The following R3HCC1L variants were observed in gnomAD, a reference collection of about 807,000 sequenced individuals.
R3HCC1L encodes the protein R3H domain and coiled-coil containing 1 like, also known as coiled-coil domain-containing protein R3HCC1L.
In R3HCC1L, 51 loss-of-function variants were observed where a neutral mutation model predicts 59.9. The ratio of observed to expected loss-of-function variants is 0.85; its 90% CI spans 0.68 to 1.07. The LOEUF (loss-of-function observed/expected upper bound fraction) is 1.07, where lower values mean the gene tolerates loss of function less well. Among genes scored for constraint, R3HCC1L ranks in the 50% least tolerant of loss-of-function variants. The pLI is 0.00. For synonymous variants in R3HCC1L, 322 were observed against 315.2 expected (o/e 1.02, Z -0.23); for missense variants, 965 against 933.0 (o/e 1.03, Z -0.45).
chr10:98,181,519 A>G (rs892917003), intron 4 of R3HCC1L, among the ~76,000 whole-genome samples: 2 of 152,058 alleles, frequency 1.3e-5, no homozygotes, highest in African/African-American at 4.8e-5. Flanking sequence ...CTTGAGGAGT[A>G]TCTTTGTGGC....
At chr10:98,135,842 C>CTACA (rs1334552193) in intron 1 of R3HCC1L, among the ~76,000 whole-genome samples, 1 of 152,188 alleles carries the variant, frequency 6.6e-6, no homozygotes, top group African/African-American at 2.4e-5. Flanking sequence ...TATGGTTGTA[C>CTACA]TACAACTAAT....
chr10:98,235,105 C>G (rs1856782945), intron 7 of R3HCC1L, among the ~76,000 whole-genome samples: 6 of 152,260 alleles, frequency 3.9e-5, no homozygotes, highest in Non-Finnish European at 7.4e-5. Context: ...GTCTCTGTCA[C>G]TACTTAACTC....
At chr10:98,175,211 T>C (rs1848890408) in intron 4 of R3HCC1L, among the ~76,000 whole-genome samples, 1 of 152,226 alleles carries the variant, frequency 6.6e-6, no homozygotes, top group Admixed American at 6.5e-5. Flanking sequence ...GATTATTTCC[T>C]GGCTACTAGA....
intron 4 of R3HCC1L, among the ~76,000 whole-genome samples, chr10:98,193,255 A>G (rs1413236291): frequency 1.3e-5 from 2 of 152,148 alleles, no homozygotes; most frequent in African/African-American, 4.8e-5. Flanking sequence ...ACATTGTAAT[A>G]GAAATCCTAG....
intron 4 of R3HCC1L, among the ~76,000 whole-genome samples, chr10:98,179,026 C>T (rs1371088122): frequency 1.3e-5 from 2 of 152,168 alleles, no homozygotes; most frequent in African/African-American, 4.8e-5. Flanking sequence ...AATTTGACTT[C>T]CTCTTTTCCT....
At chr10:98,196,876 A>G (rs1466856415) in intron 4 of R3HCC1L, among the ~76,000 whole-genome samples, 9 of 152,122 alleles carry the variant, frequency 5.9e-5, no homozygotes, top group Non-Finnish European at 1.2e-4. Flanking sequence ...CCTACCAGCC[A>G]CTACTAATTC....
At chr10:98,136,760 C>T (rs1372574352) in intron 1 of R3HCC1L, among the ~76,000 whole-genome samples, 1 of 151,634 alleles carries the variant, frequency 6.6e-6, no homozygotes, top group Non-Finnish European at 1.5e-5. Context: ...TCGCTTGAGT[C>T]CTGGAGGTGG....
chr10:98,236,430 T>C (rs749220149), intron 9 of R3HCC1L, among the ~76,000 whole-genome samples: 1 of 152,178 alleles, frequency 6.6e-6, no homozygotes, highest in Non-Finnish European at 1.5e-5. Flanking sequence ...CATCCATGGC[T>C]TTTCCTACAG....
chr10:98,194,368 G>A (rs1851192298), intron 4 of R3HCC1L, among the ~76,000 whole-genome samples: 1 of 152,022 alleles, frequency 6.6e-6, no homozygotes, highest in Non-Finnish European at 1.5e-5. Flanking sequence ...CAGGGGAAAA[G>A]CTTCTTGATA....
intron 4 of R3HCC1L, among the ~76,000 whole-genome samples, chr10:98,178,030 C>G (rs1428506472): frequency 2.0e-5 from 3 of 152,106 alleles, no homozygotes; most frequent in African/African-American, 7.2e-5. Flanking sequence ...ATGGTAGTTT[C>G]TTTTGCCGTG....
At chr10:98,150,650 T>C (rs1185794563) in intron 1 of R3HCC1L, among the ~76,000 whole-genome samples, 2 of 152,072 alleles carry the variant, frequency 1.3e-5, no homozygotes, top group Non-Finnish European at 2.9e-5. Flanking sequence ...CCACAGGAGA[T>C]ATTCCAGTAG....
intron 1 of R3HCC1L, among the ~76,000 whole-genome samples, chr10:98,141,848 G>C (rs1314781245): frequency 6.6e-6 from 1 of 152,204 alleles, no homozygotes; most frequent in Non-Finnish European, 1.5e-5. Flanking sequence ...AGTATCACAA[G>C]CTTGCCAGAT....
intron 1 of R3HCC1L, among the ~76,000 whole-genome samples, chr10:98,141,519 G>A (rs146423274): frequency 6.6e-6 from 1 of 152,280 alleles, no homozygotes; most frequent in East Asian, 1.9e-4. Context: ...ACATAATGGT[G>A]TAAAACAACC....
At chr10:98,174,269 G>A (rs757433736) in intron 4 of R3HCC1L, among the ~76,000 whole-genome samples, 24 of 152,110 alleles carry the variant, frequency 1.6e-4, no homozygotes, top group Non-Finnish European at 3.2e-4. Flanking sequence ...CTGGAGATAC[G>A]AAGATGAATT....
intron 4 of R3HCC1L, among the ~76,000 whole-genome samples, chr10:98,187,730 CTTTTTTT>C (rs755546581): frequency 3.2e-5 from 3 of 95,162 alleles, no homozygotes; most frequent in Non-Finnish European, 4.3e-5. Flanking sequence ...TGTAACAATT[CTTTTTTT>C]TTTTTTTTTT....
At chr10:98,178,523 C>G (rs1315871382) in intron 4 of R3HCC1L, among the ~76,000 whole-genome samples, 3 of 152,096 alleles carry the variant, frequency 2.0e-5, no homozygotes, top group Non-Finnish European at 2.9e-5. Context: ...GTTCTTTTGG[C>G]TTAGGATTGT....
chr10:98,157,397 G>C (rs1341901267), intron 2 of R3HCC1L, among the ~76,000 whole-genome samples: 3 of 152,226 alleles, frequency 2.0e-5, no homozygotes, highest in African/African-American at 7.2e-5. Context: ...TGCACTTCCA[G>C]TCAGCCCCTG....
chr10:98,209,475 AT>A lies in R3HCC1L; in HGVS notation c.1365del (p.Phe455LeufsTer8), dbSNP rs1853271935. On this transcript the variant is annotated frameshift_variant, in exon 5 of 10. Transcript: ENST00000298999. LOFTEE classifies it high-confidence loss of function. Reference protein sequence around the residue: ...SDIYGESISSHFTESTGKLIE... With the variant: ...SDIYGESISSXFTESTGKLIE... ...ATTTATGGTGAGAGTATTTCATCTC[AT>A]TTTACAGAGTCAACAGGAAAGTTGA... is the stretch of plus-strand genomic sequence containing the variant. The A allele has an allele frequency of 6.2e-7, 1 of 1,613,596 alleles. No homozygotes were observed. Among genetic ancestry groups the A allele is most frequent in the African/African-American group, 1.3e-5 (1 of 74,908 alleles).
rs562432128 is a variant in R3HCC1L at position 98,211,165 on chromosome 10, T to C, written c.1785+1266T>C. ...CAAAATTATATGTACGTATGTGTGTTTTTTCATAGCTTTCATCAGATTCTC... is the reference window on the plus strand; with the variant it reads ...CAAAATTATATGTACGTATGTGTGTCTTTTCATAGCTTTCATCAGATTCTC... On this transcript the variant is annotated intron_variant, in intron 5 of 9. Transcript: ENST00000298999. The C allele has an allele frequency of 1.9e-5, 11 of 567,466 alleles. No homozygotes were observed. In the East Asian group the frequency reaches 3.2e-4, roughly 16 times the overall value. 35.2% of individuals were successfully genotyped at this position (567,466 alleles called of 1,614,324 possible). A position where few individuals can be genotyped will look rare whatever the true frequency, so the allele number is the denominator to read the frequency against.
Sources: gnomAD v4.1 joint callset for allele counts (sites outside exome capture counted in the v4.1 genomes callset) on GRCh38, gnomAD v4.1.1 for gene constraint, MANE v1.5 for transcripts, NCBI Gene and HGNC (gene_info 2026-07-23, HGNC 2026-07-21) for gene names.